Variants in SYN2 observed in about 807,000 individuals in gnomAD.
SYN2 encodes the protein synapsin-2.
In SYN2, 19 loss-of-function variants were observed where a neutral mutation model predicts 50.9. That is an observed-to-expected ratio of 0.37 (90% confidence interval 0.26 to 0.55). SYN2 has a LOEUF of 0.55. Among genes scored for constraint, SYN2 ranks in the 20% least tolerant of loss-of-function variants. The probability of loss-of-function intolerance (pLI) is 0.81; values close to 1 mark genes in which losing one functional copy is unlikely to be tolerated. For missense variants in SYN2, 587 were observed against 576.4 expected, an observed-to-expected ratio of 1.02 and a Z score of -0.19; for synonymous variants, 255 against 224.9, an observed-to-expected ratio of 1.13 and a Z score of -1.20.
At chr3:12,172,929 G>T (rs1237328422) in intron 10 of SYN2, among the ~76,000 whole-genome samples, 8 of 152,204 alleles carry the variant, frequency 5.3e-5, no homozygotes, top group Non-Finnish European at 1.2e-4. Flanking sequence ...GCCCATGTGG[G>T]CAAGGACTGT....
chr3:12,139,625 A>G (rs1344900593), intron 1 of SYN2, among the ~76,000 whole-genome samples: 2 of 152,228 alleles, frequency 1.3e-5, no homozygotes, highest in African/African-American at 4.8e-5. Flanking sequence ...TCTTGAAAAC[A>G]ACTTGCATGT....
Position 12,070,312 on chromosome 3 carries a change from G to A in SYN2, c.377+65384G>A, listed in dbSNP as rs577682148. ...TGCTGGGGACGACGCCCCCTGAGCC[G>A]TGTTCCCCTCCATCCTTAGGCGCCC... On this transcript the variant is annotated intron_variant, in intron 1 of 12. Coordinates refer to ENST00000621198, the MANE Select transcript of SYN2 (RefSeq NM_133625.6). 101 of 502,314 alleles carry A rather than the reference G, an allele frequency of 2.0e-4. 1 individual carries two copies. The highest frequency in any genetic ancestry group is 1.5e-3 in the Admixed American group (69 of 45,592). 31.1% of individuals were successfully genotyped at this position (502,314 alleles called of 1,614,324 possible).
intron 1 of SYN2, among the ~76,000 whole-genome samples, chr3:12,110,788 G>A (rs1320561352): frequency 6.6e-6 from 1 of 152,232 alleles, no homozygotes; most frequent in Non-Finnish European, 1.5e-5. Flanking sequence ...CATGGGGCCT[G>A]CAGCCCCTTT....
Position 12,168,474 on chromosome 3 carries a change from T to C in SYN2, c.1154T>C (p.Phe385Ser), listed in dbSNP as rs951797281. ...GGCAAAGATGGGAAAGACTACATTTTTGAGGTAAGTCTGGACCAAGCAGTA... is the reference window on the plus strand; with the variant it reads ...GGCAAAGATGGGAAAGACTACATTTCTGAGGTAAGTCTGGACCAAGCAGTA... The part of the protein sequence containing the change: ...VHGKDGKDYI[F>S]EVMDCSMPLI... Residue 385 changes from phenylalanine (F) to serine (S), a missense_variant, in exon 9 of 13, where the codon TTT becomes TCT. Physicochemically the swap from Phe to Ser is radical, Grantham distance 155. Coordinates refer to ENST00000621198, the MANE Select transcript of SYN2 (RefSeq NM_133625.6). 6.2e-7 allele frequency: 1 copy of C among 1,613,534 alleles called. No homozygotes were observed. Among genetic ancestry groups the C allele is most frequent in the East Asian group, 2.2e-5 (1 of 44,872 alleles).
intron 1 of SYN2, among the ~76,000 whole-genome samples, chr3:12,135,216 T>C (rs1220029071): frequency 6.6e-6 from 1 of 152,230 alleles, no homozygotes; most frequent in Non-Finnish European, 1.5e-5. Context: ...AGTACTCATC[T>C]TGCCAGTGGG....
intron 10 of SYN2, among the ~76,000 whole-genome samples, chr3:12,180,614 C>T (rs1698199943): frequency 6.6e-6 from 1 of 152,088 alleles, no homozygotes; most frequent in African/African-American, 2.4e-5. Context: ...TGGGAATTCT[C>T]CTCCCCGCCT....
chr3:12,033,552 CT>C (rs1694428478), intron 1 of SYN2, among the ~76,000 whole-genome samples: 1 of 152,138 alleles, frequency 6.6e-6, no homozygotes, highest in African/African-American at 2.4e-5. Flanking sequence ...AAATTCACCC[CT>C]TTAAAATATA....
At chr3:12,133,332 A>G (rs145420034) in intron 1 of SYN2, among the ~76,000 whole-genome samples, 1 of 152,322 alleles carries the variant, frequency 6.6e-6, no homozygotes, top group African/African-American at 2.4e-5. Context: ...AAATTTCTCC[A>G]GGTACTGAAA....
intron 1 of SYN2, among the ~76,000 whole-genome samples, chr3:12,118,520 A>T (rs1415935050): frequency 6.6e-6 from 1 of 152,230 alleles, no homozygotes; most frequent in East Asian, 1.9e-4. Context: ...CTGTTTTGTG[A>T]TGAAACAGTT....
rs565242157 is a variant in SYN2, at chr3:12,019,679, C to T, written c.377+14751C>T. On this transcript the variant is annotated intron_variant, in intron 1 of 12. Transcript: ENST00000621198. ...AAGGAAATTGTAGTATTTCTGATTC[C>T]TTATTAAGGTCATATATTTAAGTAA... 1.2e-4 allele frequency among the ~76,000 whole-genome samples: 18 copies of T among 152,228 alleles called. No homozygotes were observed. In the South Asian group the frequency reaches 3.7e-3, roughly 32 times the overall value.
At chr3:12,184,108 T>C in intron 11 of SYN2, 1 of 985,980 alleles carries the variant, frequency 1.0e-6, no homozygotes, top group South Asian at 4.7e-5. Flanking sequence ...TCTTGTGTTT[T>C]TAGTGATGAC....
chr3:12,090,346 A>C (rs997456054), intron 1 of SYN2, among the ~76,000 whole-genome samples: 1 of 147,842 alleles, frequency 6.8e-6, no homozygotes, highest in Admixed American at 6.9e-5. Flanking sequence ...GAAACAGGTC[A>C]TACCTAGGAT....
At chr3:12,178,639 A>T (rs1698145155) in intron 10 of SYN2, among the ~76,000 whole-genome samples, 1 of 152,230 alleles carries the variant, frequency 6.6e-6, no homozygotes, top group African/African-American at 2.4e-5. Flanking sequence ...GTGACAGGAA[A>T]CCACACAACA....
At chr3:12,009,972 G>A (rs1693883160) in intron 1 of SYN2, among the ~76,000 whole-genome samples, 1 of 152,174 alleles carries the variant, frequency 6.6e-6, no homozygotes. Context: ...GTGTGTGCCT[G>A]TAGTCCCAGC....
intron 1 of SYN2, among the ~76,000 whole-genome samples, chr3:12,023,973 G>C (rs1434354091): frequency 6.6e-6 from 1 of 151,988 alleles, no homozygotes; most frequent in Non-Finnish European, 1.5e-5. Context: ...CCAAAGGTTT[G>C]TTTTCTCTGT....
In SYN2 at chr3:12,126,891, C is replaced by T. The variant is rs745782762; in HGVS notation, c.378-13760C>T. On this transcript the variant is annotated intron_variant, in intron 1 of 12. Transcript: ENST00000621198. ...AGATAACAATCTACGGTACTTCTCT[C>T]GAACACTAATTTATTTTTATTCTTC... 5.5e-4 allele frequency among the ~76,000 whole-genome samples: 84 copies of T among 152,292 alleles called. 1 individual carries two copies. The highest frequency in any genetic ancestry group is 4.6e-4 in the Admixed American group (7 of 15,286).
intron 1 of SYN2, among the ~76,000 whole-genome samples, chr3:12,109,949 A>G (rs1458383927): frequency 1.3e-5 from 2 of 152,162 alleles, no homozygotes; most frequent in African/African-American, 4.8e-5. Context: ...CAACTCTCCA[A>G]GGCCAAGATG....
intron 1 of SYN2, among the ~76,000 whole-genome samples, chr3:12,096,567 A>G (rs893883260): frequency 2.6e-5 from 4 of 152,064 alleles, no homozygotes; most frequent in Admixed American, 6.5e-5. Flanking sequence ...TTCATTTGTG[A>G]TCATCAGCTT....
At chr3:12,066,640 A>G (rs770879552) in intron 1 of SYN2, among the ~76,000 whole-genome samples, 1 of 152,118 alleles carries the variant, frequency 6.6e-6, no homozygotes, top group Non-Finnish European at 1.5e-5. Flanking sequence ...AATATTTATC[A>G]TGTAGGATAT....
Sources: allele counts gnomAD v4.1 joint callset (sites outside exome capture counted in the v4.1 genomes callset), GRCh38; gene constraint gnomAD v4.1.1; transcripts MANE v1.5; gene names NCBI Gene and HGNC (gene_info 2026-07-23, HGNC 2026-07-21).